PKD1L3: variants seen among roughly 807,000 people sequenced by gnomAD.
PKD1L3 encodes the protein polycystin-1-like protein 3.
PKD1L3 carries 239 observed loss-of-function variants against 184.1 expected under a neutral mutation model. The ratio of observed to expected loss-of-function variants is 1.30; its 90% CI spans 1.17 to 1.45. The LOEUF is 1.45. Ranked by LOEUF, PKD1L3 falls within the 40% of genes most tolerant of loss-of-function variation. PKD1L3 has a pLI of 0.00. For synonymous variants in PKD1L3, 996 were observed against 778.8 expected, an observed-to-expected ratio of 1.28 and a Z score of -4.64; for missense variants, 2,660 against 2,067.2, an observed-to-expected ratio of 1.29 and a Z score of -5.56.
Position 71,989,132 on chromosome 16 carries a change from C to T in PKD1L3, c.585+1148G>A, listed in dbSNP as rs554840702. On this transcript the variant is annotated intron_variant, in intron 4 of 29. Transcript: ENST00000620267. Reference sequence around the variant, plus strand: ...GTGGTTGTTGCTCTGCAGAAAACAGCGTGGGAAATACTGAGGGTTTTTTTG... The same window carrying T: ...GTGGTTGTTGCTCTGCAGAAAACAGTGTGGGAAATACTGAGGGTTTTTTTG... Among the ~76,000 whole-genome samples the T allele has an allele frequency of 1.9e-4, 29 of 152,112 alleles. 1 individual carries two copies. The highest frequency in any genetic ancestry group is 1.8e-3 in the Admixed American group (27 of 15,256).
Position 71,977,263 on chromosome 16 carries a change from G to T in PKD1L3, c.1732C>A (p.Leu578Ile), listed in dbSNP as rs139831076. 1 of 1,533,058 alleles carries T rather than the reference G, an allele frequency of 6.5e-7. No homozygotes were observed. The highest frequency in any genetic ancestry group is 8.8e-7 in the Non-Finnish European group (1 of 1,130,076). 95.0% of individuals were successfully genotyped at this position (1,533,058 alleles called of 1,614,324 possible). Residue 578 changes from leucine (L) to isoleucine (I), a missense_variant, in exon 11 of 30, where the codon CTT becomes ATT. Leu to Ile is a conservative substitution (Grantham distance 5). Coordinates refer to ENST00000620267, the MANE Select transcript of PKD1L3 (RefSeq NM_181536.2). The stretch of plus-strand genomic sequence containing the variant: ...TTTTGCCACACCTTATCCTTTGGAA[G>T]GGTGATGTTCAGGTGGAAGTGAGTG... ...NCTHFHLNIT[L>I]PKDKVWQKDE...
Position 71,982,044 on chromosome 16 carries a change from A to C in PKD1L3, c.1143+15T>G, listed in dbSNP as rs1303401159. The stretch of plus-strand genomic sequence containing the variant: ...CTTCTAAGCAGATCTGGCCACCTGC[A>C]TATCTGGCACCTACCGGCTCAGTAT... On this transcript the variant is annotated intron_variant, in intron 7 of 29. Coordinates refer to ENST00000620267, the MANE Select transcript of PKD1L3 (RefSeq NM_181536.2). 3.9e-6 allele frequency: 6 copies of C among 1,532,640 alleles called. No homozygotes were observed. Among genetic ancestry groups the C allele is most frequent in the Non-Finnish European group, 5.3e-6 (6 of 1,139,342 alleles). 94.9% of individuals were successfully genotyped at this position (1,532,640 alleles called of 1,614,324 possible).
At chr16:71,961,569 A>G (rs1311701443) in intron 16 of PKD1L3, among the ~76,000 whole-genome samples, 1 of 150,452 alleles carries the variant, frequency 6.6e-6, no homozygotes, top group African/African-American at 2.4e-5. Context: ...AGCCATACAT[A>G]GGTGCTTTGT....
intron 2 of PKD1L3, among the ~76,000 whole-genome samples, chr16:71,997,438 T>G (rs2040832293): frequency 7.0e-6 from 1 of 142,532 alleles, no homozygotes; most frequent in Non-Finnish European, 1.5e-5. Flanking sequence ...CACTCCCCAC[T>G]CCACCGTCTC....
At chr16:71,950,397 T>C in intron 19 of PKD1L3, 87 bp from the exon 20 acceptor site, 2 of 1,194,042 alleles carry the variant, frequency 1.7e-6, no homozygotes, top group South Asian at 3.1e-5. Context: ...CATTGATGGA[T>C]GATGAGGCTA....
chr16:71,976,011 A>T (rs547242674), intron 11 of PKD1L3, among the ~76,000 whole-genome samples: 9 of 151,292 alleles, frequency 5.9e-5, no homozygotes, highest in Admixed American at 5.9e-4. Flanking sequence ...GCAGTGGCAC[A>T]ATCTCAGCTC....
rs921177604 is a variant in PKD1L3 at position 71,977,616 on chromosome 16, T to G, written c.1528-149A>C. The G allele has an allele frequency of 4.7e-6, 3 of 632,870 alleles. No homozygotes were observed. The East Asian group carries it at 8.3e-5, about 17-fold the overall frequency. The allele number at this position is 632,870 out of a possible 1,614,324, so 39.2% of individuals were successfully genotyped here. A position where few individuals can be genotyped will look rare whatever the true frequency, so the allele number is the denominator to read the frequency against. On this transcript the variant is annotated intron_variant, in intron 10 of 29. Coordinates refer to ENST00000620267, the MANE Select transcript of PKD1L3 (RefSeq NM_181536.2). ...CTTGCTATGTTGGCCACGTTGGTCT[T>G]GAACTCCTGGTCTCAAGCAATCCTC...
intron 29 of PKD1L3, 167 bp from the exon 30 acceptor site, chr16:71,929,845 A>G: frequency 1.0e-6 from 1 of 954,410 alleles, no homozygotes; most frequent in Non-Finnish European, 1.5e-6. Flanking sequence ...GTTGCGAGCC[A>G]ACTATTTATA....
In PKD1L3 at chr16:71,942,649, G is replaced by C; in HGVS notation, c.4235C>G (p.Ser1412Ter). The part of the protein sequence containing the change: ...LHLRRFSYIC[S>*]PRPMVLIPTD... ...GGGAATCAGCACCATGGGCCTGGGTGAACAGATGTAACTGAACCTCCTTAG... is the reference window on the plus strand; with the variant it reads ...GGGAATCAGCACCATGGGCCTGGGTCAACAGATGTAACTGAACCTCCTTAG... The change falls in exon 24 of 30, where the codon TCA becomes TGA. Residue 1412 changes from serine (S) to a stop codon, truncating the protein, a stop_gained. Coordinates refer to ENST00000620267, the MANE Select transcript of PKD1L3 (RefSeq NM_181536.2). LOFTEE classifies it high-confidence loss of function. 3 of 1,551,730 alleles carry C rather than the reference G, an allele frequency of 1.9e-6. No homozygotes were observed. Among genetic ancestry groups the C allele is most frequent in the South Asian group, 2.4e-5 (2 of 84,066 alleles).
intron 1 of PKD1L3, among the ~76,000 whole-genome samples, chr16:71,999,290 A>T (rs1199262192): frequency 1.3e-5 from 2 of 151,970 alleles, no homozygotes; most frequent in Admixed American, 6.6e-5. Context: ...AAAAAAGAAA[A>T]AGAAAACACT....
At chr16:71,965,211 C>CATATGTAACG (rs2039456398) in intron 15 of PKD1L3, among the ~76,000 whole-genome samples, 2 of 152,148 alleles carry the variant, frequency 1.3e-5, no homozygotes, top group Admixed American at 1.3e-4. Context: ...TCCACGTAGT[C>CATATGTAACG]ATATGTAACA....
intron 22 of PKD1L3, among the ~76,000 whole-genome samples, chr16:71,945,827 A>C (rs1228268112): frequency 6.6e-6 from 1 of 152,168 alleles, no homozygotes; most frequent in African/African-American, 2.4e-5. Flanking sequence ...GTGACATTTG[A>C]CATTTGTTTT....
At chr16:71,982,002 C>T (rs1341693616) in intron 7 of PKD1L3, 57 bp downstream of exon 7, 3 of 1,420,482 alleles carry the variant, frequency 2.1e-6, no homozygotes, top group Admixed American at 2.7e-5. Flanking sequence ...ATACCTGGAC[C>T]TGTCAAGATT....
In PKD1L3 at chr16:71,993,347, A is replaced by G. The variant is rs1247976779; in HGVS notation, c.419-15T>C. The G allele has an allele frequency of 1.4e-6, 2 of 1,476,526 alleles. No individual in the cohort carries two copies. Among genetic ancestry groups the G allele is most frequent in the South Asian group, 2.4e-5 (2 of 81,790 alleles). The allele number at this position is 1,476,526 out of a possible 1,614,324, so 91.5% of individuals were successfully genotyped here. On this transcript the variant is annotated splice_polypyrimidine_tract_variant and intron_variant, in intron 2 of 29. Coordinates refer to ENST00000620267, the MANE Select transcript of PKD1L3 (RefSeq NM_181536.2). ...CAAAAAGTCACCTATTTGAAAGCCA[A>G]CACACAAGTTAATTTATAGGTTATA... is the stretch of plus-strand genomic sequence containing the variant.
Position 71,951,604 on chromosome 16 carries a change from A to G in PKD1L3, c.3150T>C (p.Gly1050=), listed in dbSNP as rs1365368107. The change falls in exon 19 of 30, where the codon GGT becomes GGC. Residue 1050 remains glycine, a synonymous_variant. Coordinates refer to ENST00000620267, the MANE Select transcript of PKD1L3 (RefSeq NM_181536.2). The part of the protein sequence containing the change: ...LSSLVSSHLE[G]QGCHQQGERH... ...GCTCTCCCTGCTGATGACAGCCTTG[A>G]CCCTCCAAGTGAGATGATACGAGGC... The G allele has an allele frequency of 1.3e-6, 2 of 1,551,682 alleles. No homozygotes were observed.
At chr16:71,981,460 T>G (rs1470502311) in intron 7 of PKD1L3, among the ~76,000 whole-genome samples, 1 of 152,098 alleles carries the variant, frequency 6.6e-6, no homozygotes, top group African/African-American at 2.4e-5. Context: ...TGACCAATGA[T>G]GTCGAGCATC....
rs777329707 is a variant in PKD1L3 at position 71,935,433 on chromosome 16, A to T, written c.4538T>A (p.Ile1513Asn). Residue 1513 changes from isoleucine to asparagine, a missense_variant, in exon 26 of 30, where the codon ATC becomes AAC. Transcript: ENST00000620267. Reference protein sequence around the residue: ...LDTSIILISFILLGLDMKSIS... With the variant: ...LDTSIILISFNLLGLDMKSIS... ...ACTCTTCATGTCAAGCCCCAGGAGG[A>T]TGAAGCTAATGAGGATTATACTTGT... 1 of 1,552,004 alleles carries T rather than the reference A, an allele frequency of 6.4e-7. No homozygotes were observed. Among genetic ancestry groups the T allele is most frequent in the South Asian group, 1.2e-5 (1 of 84,060 alleles).
At chr16:71,987,953 A>G (rs2040438687) in intron 4 of PKD1L3, among the ~76,000 whole-genome samples, 1 of 152,126 alleles carries the variant, frequency 6.6e-6, no homozygotes, top group Non-Finnish European at 1.5e-5. Flanking sequence ...TGGTGGCAGG[A>G]GGGGGATTCA....
At chr16:71,930,325 A>C (rs2037897811) in intron 28 of PKD1L3, 142 bp from the exon 29 acceptor site, 1 of 816,548 alleles carries the variant, frequency 1.2e-6, no homozygotes. Flanking sequence ...AAAGATAATA[A>C]GAAGGAAAAT....
Sources: allele counts gnomAD v4.1 joint callset (sites outside exome capture counted in the v4.1 genomes callset), GRCh38; gene constraint gnomAD v4.1.1; transcripts MANE v1.5; gene names NCBI Gene and HGNC (gene_info 2026-07-23, HGNC 2026-07-21).